Variants in HADH observed in about 807,000 individuals in gnomAD.
The protein encoded by HADH is hydroxyacyl-coenzyme A dehydrogenase, mitochondrial.
A neutral mutation model predicts 32.2 loss-of-function variants in HADH; 24 were observed. That is an observed-to-expected ratio of 0.75 (90% CI 0.54 to 1.05). HADH has a LOEUF of 1.05. Ranked by LOEUF, HADH falls within the 50% of genes least tolerant of loss-of-function variation. HADH has a pLI of 0.00. For synonymous variants in HADH, 139 were observed against 152.5 expected (o/e 0.91, Z 0.65); for missense variants, 350 against 397.1 (o/e 0.88, Z 1.01).
chr4:108,004,672 T>A, intron 1 of HADH: 1 of 1,521,838 alleles, frequency 6.6e-7, no homozygotes, highest in Non-Finnish European at 8.8e-7. Context: ...AGGAAAGAGG[T>A]TGGCCTCAGC....
At chr4:108,002,486 T>C (rs1285926507) in intron 1 of HADH, among the ~76,000 whole-genome samples, 2 of 152,174 alleles carry the variant, frequency 1.3e-5, no homozygotes, top group Non-Finnish European at 2.9e-5. Flanking sequence ...TAATTCTGTA[T>C]TGTGGTGAGA....
rs902651398 is a variant in HADH at position 107,998,567 on chromosome 4, C to T, written c.132+8503C>T. ...TCCTGGGATTGCAAGTGTGAGCTAC[C>T]GCGCCCGGCTGATTTTTAGGCTTAG... On this transcript the variant is annotated intron_variant, in intron 1 of 7. Coordinates refer to ENST00000309522, the MANE Select transcript of HADH (RefSeq NM_005327.7). Among the ~76,000 whole-genome samples, 9 of 152,090 alleles carry T rather than the reference C, an allele frequency of 5.9e-5. No individual in the cohort carries two copies. The South Asian group carries it at 8.3e-4, about 14-fold the overall frequency.
chr4:108,034,304 G>C lies in HADH; in HGVS notation c.892G>C (p.Ala298Pro). ...QPSPSLNKLV[A>P]ENKFGKKTGE... ...CAGCCCATCCTTAAATAAGCTGGTA[G>C]CAGAGAACAAGTTCGGCAAGAAGAC... Residue 298 changes from alanine to proline, a missense_variant, in exon 8 of 8, where the codon GCA becomes CCA. By Grantham distance (27) the Ala-to-Pro change is conservative. Coordinates refer to ENST00000309522, the MANE Select transcript of HADH (RefSeq NM_005327.7). The C allele has an allele frequency of 6.2e-7, 1 of 1,613,582 alleles. No individual in the cohort carries two copies. The highest frequency in any genetic ancestry group is 8.5e-7 in the Non-Finnish European group (1 of 1,179,452).
At position 108,027,756 on chromosome 4, in the gene HADH, A is replaced by G; in HGVS notation, c.705A>G (p.Glu235=). 1 of 1,593,168 alleles carries G rather than the reference A, an allele frequency of 6.3e-7. No homozygotes were observed. Among genetic ancestry groups the G allele is most frequent in the East Asian group, 2.2e-5 (1 of 44,786 alleles). Residue 235 remains glutamate (E), a synonymous_variant, in exon 6 of 8, where the codon GAA becomes GAG. Transcript: ENST00000309522. The stretch of plus-strand genomic sequence containing the variant: ...TCATGGAAGCAATCAGGCTGTATGA[A>G]CGAGGTATCCTTCTGACCCAGGCCA... ...PYLMEAIRLY[E]RGDASKEDID...
chr4:108,018,371 C>T (rs1735762690), intron 3 of HADH, among the ~76,000 whole-genome samples: 1 of 151,926 alleles, frequency 6.6e-6, no homozygotes, highest in Non-Finnish European at 1.5e-5. Flanking sequence ...TTATTTTCCC[C>T]AATGACCAAA....
In HADH at chr4:108,023,506, A is replaced by G. The variant is rs762771153; in HGVS notation, c.579A>G (p.Thr193=). The G allele has an allele frequency of 8.7e-6, 14 of 1,612,408 alleles. No individual in the cohort carries two copies. The highest frequency in any genetic ancestry group is 5.0e-5 in the Admixed American group (3 of 60,010). Residue 193 remains threonine (T), a synonymous_variant, in exon 5 of 8, where the codon ACA becomes ACG. Coordinates refer to ENST00000309522, the MANE Select transcript of HADH (RefSeq NM_005327.7). ...VIKTPMTSQK[T]FESLVDFSKA... ...AAACACCAATGACCAGCCAGAAGAC[A>G]TTTGAATCTTTGGTAGACTTTAGCA...
intron 3 of HADH, among the ~76,000 whole-genome samples, chr4:108,017,892 T>A (rs1735749277): frequency 6.6e-6 from 1 of 152,126 alleles, no homozygotes. Context: ...TCCTATGTGT[T>A]TAGTATTCTC....
intron 3 of HADH, among the ~76,000 whole-genome samples, chr4:108,018,645 A>G (rs946487938): frequency 2.6e-5 from 4 of 151,852 alleles, no homozygotes; most frequent in East Asian, 1.9e-4. Context: ...AGCAGATTAT[A>G]GTATTGCCTG....
chr4:108,024,745 A>G lies in HADH; in HGVS notation c.636+1182A>G, dbSNP rs191766655. On this transcript the variant is annotated intron_variant, in intron 5 of 7. Coordinates refer to ENST00000309522, the MANE Select transcript of HADH (RefSeq NM_005327.7). ...AAGTAGTAATGGTATTGAAAAGAAC[A>G]TCTGTGCAAGACAAAAAGATATGGA... The G allele has an allele frequency of 8.5e-5, 13 of 152,396 alleles. No individual in the cohort carries two copies. The East Asian group carries it at 2.1e-3, about 25-fold the overall frequency. 9.4% of individuals were successfully genotyped at this position (152,396 alleles called of 1,614,324 possible). A position where few individuals can be genotyped will look rare whatever the true frequency, so the allele number is the denominator to read the frequency against.
chr4:108,002,446 G>T (rs1410398547), intron 1 of HADH, among the ~76,000 whole-genome samples: 1 of 152,160 alleles, frequency 6.6e-6, no homozygotes, highest in Non-Finnish European at 1.5e-5. Context: ...GCACCATCTA[G>T]ATGCAGCAGA....
chr4:108,014,772 A>G (rs1488687671), intron 3 of HADH, among the ~76,000 whole-genome samples, 184 bp downstream of exon 3: 1 of 152,100 alleles, frequency 6.6e-6, no homozygotes, highest in African/African-American at 2.4e-5. Flanking sequence ...ACTGTACCCA[A>G]TAGGTAATTT....
chr4:108,019,542 A>G lies in HADH; in HGVS notation c.422A>G (p.His141Arg), dbSNP rs531255799. The change falls in exon 4 of 8, where the codon CAT becomes CGT. Residue 141 changes from histidine (H) to arginine (R), a missense_variant and splice_region_variant. Transcript: ENST00000309522. ...CCCACTATATTTTCTCTTCACAGACATACAATCTTTGCCAGCAACACTTCC... is the reference window on the plus strand; with the variant it reads ...CCCACTATATTTTCTCTTCACAGACGTACAATCTTTGCCAGCAACACTTCC... ...FKRLDKFAAE[H>R]TIFASNTSSL... 4.3e-6 allele frequency: 7 copies of G among 1,613,640 alleles called. No individual in the cohort carries two copies. The African/African-American group carries it at 5.3e-5, about 12-fold the overall frequency.
intron 1 of HADH, among the ~76,000 whole-genome samples, chr4:107,996,655 A>G (rs1734966635): frequency 6.6e-6 from 1 of 152,220 alleles, no homozygotes; most frequent in Non-Finnish European, 1.5e-5. Flanking sequence ...TCACTTTGGG[A>G]GGCTGAGGCG....
chr4:108,000,458 A>G (rs899237182), intron 1 of HADH, among the ~76,000 whole-genome samples: 1 of 152,216 alleles, frequency 6.6e-6, no homozygotes, highest in African/African-American at 2.4e-5. Flanking sequence ...GAAATAGTCT[A>G]TAACCAGTTA....
At chr4:108,007,783 A>T (rs1274043312) in intron 1 of HADH, among the ~76,000 whole-genome samples, 1 of 152,254 alleles carries the variant, frequency 6.6e-6, no homozygotes, top group Non-Finnish European at 1.5e-5. Context: ...AGCATCTAAT[A>T]TGTACCAGGC....
At chr4:107,997,101 G>A (rs1239697088) in intron 1 of HADH, among the ~76,000 whole-genome samples, 2 of 152,148 alleles carry the variant, frequency 1.3e-5, no homozygotes, top group Non-Finnish European at 2.9e-5. Context: ...TTCCTCTCTG[G>A]ATCAAACCAT....
chr4:108,021,328 TGTA>T (rs1417061536), intron 4 of HADH, among the ~76,000 whole-genome samples: 5 of 152,236 alleles, frequency 3.3e-5, no homozygotes, highest in Non-Finnish European at 7.3e-5. Flanking sequence ...TCTTTGGAAA[TGTA>T]GTGTGTTGGT....
chr4:108,032,939 G>C (rs892407137), intron 6 of HADH: 4 of 506,908 alleles, frequency 7.9e-6, no homozygotes, highest in Non-Finnish European at 1.4e-5. Context: ...CCAAGATTGT[G>C]CCATTGCACT....
Position 108,027,696 on chromosome 4 carries a change from T to G in HADH, c.645T>G (p.Pro215=). The G allele has an allele frequency of 6.2e-7, 1 of 1,604,442 alleles. No individual in the cohort carries two copies. The highest frequency in any genetic ancestry group is 8.5e-7 in the Non-Finnish European group (1 of 1,171,150). Residue 215 remains proline, a synonymous_variant, in exon 6 of 8, where the codon CCT becomes CCG. Coordinates refer to ENST00000309522, the MANE Select transcript of HADH (RefSeq NM_005327.7). ...GKHPVSCKDT[P]GFIVNRLLVP... ...TCTGTCTCCCAAAACAGGACACTCC[T>G]GGGTTTATTGTGAACCGCCTCCTGG...
Sources: allele counts gnomAD v4.1 joint callset (sites outside exome capture counted in the v4.1 genomes callset), GRCh38; gene constraint gnomAD v4.1.1; transcripts MANE v1.5; gene names NCBI Gene and HGNC (gene_info 2026-07-23, HGNC 2026-07-21).